IDE: variants seen among roughly 807,000 people sequenced by gnomAD.
The protein encoded by IDE is insulin-degrading enzyme.
In IDE, 58 loss-of-function variants were observed where a neutral mutation model predicts 133.2. The observed-to-expected ratio is 0.44, with a 90% CI of 0.35 to 0.54. The LOEUF (loss-of-function observed/expected upper bound fraction) is 0.54. Ranked by LOEUF, IDE falls within the 20% of genes least tolerant of loss-of-function variation. The pLI is 0.00. For missense variants in IDE, 981 were observed against 1,234.0 expected, an observed-to-expected ratio of 0.79 and a Z score of 3.07; for synonymous variants, 396 against 421.3, an observed-to-expected ratio of 0.94 and a Z score of 0.73.
intron 18 of IDE, among the ~76,000 whole-genome samples, chr10:92,469,949 C>T (rs184799920): frequency 6.6e-6 from 1 of 152,212 alleles, no homozygotes; most frequent in East Asian, 1.9e-4. Context: ...TTCTACAGCA[C>T]GTGCTCTTAT....
At chr10:92,572,877 C>A in intron 1 of IDE, 1 of 985,040 alleles carries the variant, frequency 1.0e-6, no homozygotes, top group Non-Finnish European at 1.2e-6. Flanking sequence ...CCACACACTA[C>A]CCATACTACC....
chr10:92,547,830 T>A (rs1182383469), intron 1 of IDE, among the ~76,000 whole-genome samples: 1 of 152,172 alleles, frequency 6.6e-6, no homozygotes, highest in African/African-American at 2.4e-5. Context: ...GGTAATTACA[T>A]ACCCTCACCT....
intron 4 of IDE, among the ~76,000 whole-genome samples, chr10:92,527,002 A>G (rs2135642909): frequency 6.6e-6 from 1 of 152,260 alleles, no homozygotes; most frequent in Non-Finnish European, 1.5e-5. Flanking sequence ...TCTCTTTTGA[A>G]CAAGGATTTT....
intron 4 of IDE, among the ~76,000 whole-genome samples, chr10:92,524,483 AT>A (rs1275395590): frequency 0.13 from 1,632 of 12,700 alleles, 276 homozygotes; most frequent in African/African-American, 0.35. Flanking sequence ...TATAATATAT[AT>A]TATATTATAA....
At chr10:92,544,539 G>A (rs1433128290) in intron 1 of IDE, among the ~76,000 whole-genome samples, 1 of 152,198 alleles carries the variant, frequency 6.6e-6, no homozygotes, top group Non-Finnish European at 1.5e-5. Context: ...GAGGAAGCGT[G>A]GGAAGGGGAG....
At chr10:92,555,071 G>A (rs1014590115) in intron 1 of IDE, among the ~76,000 whole-genome samples, 20 of 152,164 alleles carry the variant, frequency 1.3e-4, no homozygotes, top group Non-Finnish European at 4.4e-5. Context: ...AGCAAACAAT[G>A]AACGTATTCA....
At chr10:92,527,440 T>C (rs934170073) in intron 4 of IDE, among the ~76,000 whole-genome samples, 1 of 152,150 alleles carries the variant, frequency 6.6e-6, no homozygotes, top group Non-Finnish European at 1.5e-5. Context: ...TACTCTCTTA[T>C]TAATTTTATA....
At chr10:92,484,530 C>T (rs752934452) in intron 13 of IDE, among the ~76,000 whole-genome samples, 2 of 152,054 alleles carry the variant, frequency 1.3e-5, no homozygotes, top group Admixed American at 6.6e-5. Context: ...GCCAGGAGTT[C>T]GAGATCAGCC....
In IDE at chr10:92,457,680, G is replaced by A. The variant is rs574983649; in HGVS notation, c.2824-1249C>T. Among the ~76,000 whole-genome samples, 4 of 152,214 alleles carry A rather than the reference G, an allele frequency of 2.6e-5. No individual in the cohort carries two copies. The South Asian group carries it at 8.3e-4, about 32-fold the overall frequency. ...CCACAAGCAACGTTTCATATCCTTA[G>A]AGGAAAGAAATCATCAGCCAAACCA... On this transcript the variant is annotated intron_variant, in intron 22 of 24. Coordinates refer to ENST00000265986, the MANE Select transcript of IDE (RefSeq NM_004969.4).
rs1297505207 is a variant in IDE, at chr10:92,453,584, G to A, written c.*860C>T. 1.3e-5 allele frequency: 2 copies of A among 152,170 alleles called. No homozygotes were observed. Among genetic ancestry groups the A allele is most frequent in the Non-Finnish European group, 2.9e-5 (2 of 68,026 alleles). The allele number at this position is 152,170 out of a possible 1,614,324, so 9.4% of individuals were successfully genotyped here. On this transcript the variant is annotated 3_prime_UTR_variant, in exon 25 of 25. Transcript: ENST00000265986. ...ATACAGGTGGTTACAAAAAGCTGAT[G>A]TTGGAAAAGCATGTCACACACTCAG...
At chr10:92,489,600 T>A (rs754682426) in intron 12 of IDE, among the ~76,000 whole-genome samples, 5 of 152,170 alleles carry the variant, frequency 3.3e-5, no homozygotes, top group African/African-American at 4.8e-5. Context: ...GGATTCTTTC[T>A]TCTTTTAGGA....
chr10:92,490,648 T>C (rs944307455), intron 11 of IDE, 53 bp from the exon 12 acceptor site: 5 of 1,070,436 alleles, frequency 4.7e-6, no homozygotes, highest in East Asian at 2.4e-5. Context: ...ACTGTATATA[T>C]GAATTTAAAG....
chr10:92,496,489 T>C lies in IDE; in HGVS notation c.1431-5894A>G, dbSNP rs186343231. On this transcript the variant is annotated intron_variant, in intron 11 of 24. Coordinates refer to ENST00000265986, the MANE Select transcript of IDE (RefSeq NM_004969.4). ...TGAAGATAGGTGAATGAGCCAAGTATGAAACCACCTCTCTAGCCAGGTGTG... is the reference window on the plus strand; with the variant it reads ...TGAAGATAGGTGAATGAGCCAAGTACGAAACCACCTCTCTAGCCAGGTGTG... 4.6e-5 allele frequency among the ~76,000 whole-genome samples: 7 copies of C among 152,248 alleles called. No individual in the cohort carries two copies. In the East Asian group the frequency reaches 1.4e-3, roughly 29 times the overall value.
At chr10:92,458,490 GTTTTTTTTTT>G (rs71028821) in intron 22 of IDE, among the ~76,000 whole-genome samples, 88 of 83,888 alleles carry the variant, frequency 1.0e-3, no homozygotes, top group African/African-American at 4.3e-3. Context: ...TACTCTCTCT[GTTTTTTTTTT>G]TTTTTTTTTT....
At chr10:92,463,638 A>G (rs1366416425) in intron 21 of IDE, 93 bp downstream of exon 21, 1 of 1,162,110 alleles carries the variant, frequency 8.6e-7, no homozygotes, top group Admixed American at 1.9e-5. Context: ...AGGTAACGGA[A>G]TATCACCTAC....
chr10:92,487,136 C>A, intron 13 of IDE, 60 bp downstream of exon 13: 1 of 1,504,726 alleles, frequency 6.6e-7, no homozygotes, highest in Non-Finnish European at 9.0e-7. Flanking sequence ...ATCATTTACC[C>A]AGTCCCCCAT....
At chr10:92,480,897 A>T in intron 14 of IDE, 2 of 962,896 alleles carry the variant, frequency 2.1e-6, no homozygotes, top group Non-Finnish European at 2.5e-6. Flanking sequence ...CCCAGCCAAA[A>T]GCCAACAATT....
rs186606981 is a variant in IDE, at chr10:92,483,822, G to A, written c.1657-485C>T. On this transcript the variant is annotated intron_variant, in intron 13 of 24. Coordinates refer to ENST00000265986, the MANE Select transcript of IDE (RefSeq NM_004969.4). ...ATGACAGAATTAATGGTATACCTCTGAGACTGCATTATAAAAGACACCGCG... is the reference window on the plus strand; with the variant it reads ...ATGACAGAATTAATGGTATACCTCTAAGACTGCATTATAAAAGACACCGCG... 7.2e-5 allele frequency among the ~76,000 whole-genome samples: 11 copies of A among 152,242 alleles called. No individual in the cohort carries two copies. In the East Asian group the frequency reaches 1.9e-3, roughly 27 times the overall value.
chr10:92,478,548 A>G (rs1846414172), intron 15 of IDE: 3 of 667,276 alleles, frequency 4.5e-6, no homozygotes, highest in Non-Finnish European at 5.7e-6. Context: ...AAAACCATTA[A>G]CTTTCTTGTT....
Sources: gnomAD v4.1 joint callset for allele counts (sites outside exome capture counted in the v4.1 genomes callset) on GRCh38, gnomAD v4.1.1 for gene constraint, MANE v1.5 for transcripts, NCBI Gene and HGNC (gene_info 2026-07-23, HGNC 2026-07-21) for gene names.